The following ST8SIA1 variants were observed in gnomAD, a reference collection of about 807,000 sequenced individuals.
ST8SIA1 encodes alpha-N-acetylneuraminide alpha-2,8-sialyltransferase.
ST8SIA1 carries 16 observed loss-of-function variants against 35.9 expected under a neutral mutation model. The ratio of observed to expected loss-of-function variants is 0.45; its 90% CI spans 0.30 to 0.68. ST8SIA1 has a LOEUF of 0.68. ST8SIA1 is among the 30% of genes least tolerant of loss of function. The pLI is 0.09. For synonymous variants in ST8SIA1, 170 were observed against 169.6 expected, an observed-to-expected ratio of 1.00 and a Z score of -0.02; for missense variants, 383 against 453.6, an observed-to-expected ratio of 0.84 and a Z score of 1.41.
intron 4 of ST8SIA1, 42 bp downstream of exon 4, chr12:22,248,964 C>A: frequency 6.9e-7 from 1 of 1,458,328 alleles, no homozygotes; most frequent in Non-Finnish European, 9.6e-7. Context: ...CTTGAGAAGA[C>A]TTCATCTTCG....
In ST8SIA1 at chr12:22,334,151, G is replaced by T; in HGVS notation, c.82C>A (p.Leu28Met). 1.2e-6 allele frequency: 2 copies of T among 1,614,102 alleles called. No homozygotes were observed. Reference protein sequence around the residue: ...VLAWKFPRTRLPMGASALCVV... With the variant: ...VLAWKFPRTRMPMGASALCVV... ...CAGAGGGCACTGGCTCCCATGGGCA[G>T]CCGGGTCCGCGGGAACTTCCACGCC... Residue 28 changes from leucine (L) to methionine (M), a missense_variant, in exon 1 of 5, where the codon CTG becomes ATG. Physicochemically the swap from Leu to Met is conservative, Grantham distance 15. Coordinates refer to ENST00000396037, the MANE Select transcript of ST8SIA1 (RefSeq NM_003034.4).
chr12:22,267,449 T>A (rs978631307), intron 2 of ST8SIA1, among the ~76,000 whole-genome samples: 2 of 152,226 alleles, frequency 1.3e-5, no homozygotes, highest in African/African-American at 4.8e-5. Context: ...CTGCTGCTGA[T>A]GCTTTATTTC....
chr12:22,241,776 G>A (rs930957648), intron 4 of ST8SIA1, among the ~76,000 whole-genome samples: 1 of 151,866 alleles, frequency 6.6e-6, no homozygotes, highest in Non-Finnish European at 1.5e-5. Context: ...CTGCTTCTGT[G>A]AGCAACTTCA....
At chr12:22,269,599 G>A (rs1475030251) in intron 2 of ST8SIA1, among the ~76,000 whole-genome samples, 2 of 152,052 alleles carry the variant, frequency 1.3e-5, no homozygotes, top group Non-Finnish European at 2.9e-5. Flanking sequence ...AATATTTTAG[G>A]TTATTCCCAT....
intron 4 of ST8SIA1, 57 bp downstream of exon 4, chr12:22,248,949 A>C: frequency 7.7e-7 from 1 of 1,300,370 alleles, no homozygotes; most frequent in Non-Finnish European, 1.1e-6. Context: ...TTGAAATGCT[A>C]AGTACTTGAG....
chr12:22,325,996 G>C, intron 1 of ST8SIA1: 1 of 630,618 alleles, frequency 1.6e-6, no homozygotes, highest in Non-Finnish European at 2.8e-6. Context: ...ATCTCATCAC[G>C]CTACTCAAAA....
In ST8SIA1 at chr12:22,266,687, C is replaced by T. The variant is rs151305287; in HGVS notation, c.382-11298G>A. 3.1e-3 allele frequency among the ~76,000 whole-genome samples: 465 copies of T among 152,034 alleles called. 1 individual carries two copies. The highest frequency in any genetic ancestry group is 5.2e-3 in the Non-Finnish European group (351 of 67,982). On this transcript the variant is annotated intron_variant, in intron 2 of 4. Transcript: ENST00000396037. ...TGGCATGGACGTGTAGTCCCAGCTA[C>T]TCGGGAGGCTGAGGTGGGAGGATCT...
chr12:22,262,845 A>G (rs572000312), intron 2 of ST8SIA1, among the ~76,000 whole-genome samples: 3 of 152,346 alleles, frequency 2.0e-5, no homozygotes, highest in African/African-American at 7.2e-5. Context: ...TCAAAATCTA[A>G]GAATTAAAAA....
chr12:22,267,751 C>T (rs1311643012), intron 2 of ST8SIA1, among the ~76,000 whole-genome samples: 1 of 152,208 alleles, frequency 6.6e-6, no homozygotes, highest in East Asian at 1.9e-4. Flanking sequence ...TCTTGGTCTA[C>T]TTCAGCCCTC....
chr12:22,301,078 A>G (rs1280570915), intron 1 of ST8SIA1, among the ~76,000 whole-genome samples: 4 of 152,076 alleles, frequency 2.6e-5, no homozygotes, highest in African/African-American at 9.7e-5. Context: ...TGTGCCACAG[A>G]GGTAATAAAT....
At chr12:22,327,326 T>G (rs989182575) in intron 1 of ST8SIA1, among the ~76,000 whole-genome samples, 18 of 152,204 alleles carry the variant, frequency 1.2e-4, no homozygotes, top group African/African-American at 4.1e-4. Context: ...CCTATACCAC[T>G]TGCATATGTG....
At chr12:22,207,115 A>C (rs763418391) in intron 4 of ST8SIA1, among the ~76,000 whole-genome samples, 2 of 152,156 alleles carry the variant, frequency 1.3e-5, no homozygotes, top group Non-Finnish European at 2.9e-5. Context: ...AGTGTCCCAG[A>C]TAGGCCAATG....
rs1030648575 is a variant in ST8SIA1, at chr12:22,299,911, C to T, written c.237-12618G>A. ...ATGCTAACAATGTTTTCTTAAAGGTCTGAAGGAAATGATTTCTTCCAACAT... is the reference window on the plus strand; with the variant it reads ...ATGCTAACAATGTTTTCTTAAAGGTTTGAAGGAAATGATTTCTTCCAACAT... On this transcript the variant is annotated intron_variant, in intron 1 of 4. Coordinates refer to ENST00000396037, the MANE Select transcript of ST8SIA1 (RefSeq NM_003034.4). Among the ~76,000 whole-genome samples the T allele has an allele frequency of 3.9e-5, 6 of 152,158 alleles. No individual in the cohort carries two copies. The East Asian group carries it at 1.2e-3, about 29-fold the overall frequency.
In ST8SIA1 at chr12:22,219,110, A is replaced by G. The variant is rs536386534; in HGVS notation, c.585-17072T>C. 1.4e-3 allele frequency among the ~76,000 whole-genome samples: 208 copies of G among 152,260 alleles called. 1 individual carries two copies. The highest frequency in any genetic ancestry group is 4.5e-3 in the African/African-American group (188 of 41,578). ...TAAAACAACTGATAGAACTATTTGC[A>G]TTAGCATTGAAAGCTTTAATATATT... On this transcript the variant is annotated intron_variant, in intron 4 of 4. Transcript: ENST00000396037.
intron 4 of ST8SIA1, among the ~76,000 whole-genome samples, chr12:22,204,887 ACATT>A (rs1346434333): frequency 6.6e-6 from 1 of 152,174 alleles, no homozygotes; most frequent in Non-Finnish European, 1.5e-5. Flanking sequence ...GAATTTTATT[ACATT>A]ATTACAAAAT....
chr12:22,294,868 A>C, intron 1 of ST8SIA1, among the ~76,000 whole-genome samples: 1 of 152,234 alleles, frequency 6.6e-6, no homozygotes, highest in East Asian at 1.9e-4. Flanking sequence ...ACTTATTTTC[A>C]GTCTTCCTAC....
chr12:22,193,428 A>C lies in ST8SIA1; in HGVS notation c.*8124T>G, dbSNP rs894178610. On this transcript the variant is annotated 3_prime_UTR_variant, in exon 5 of 5. Coordinates refer to ENST00000396037, the MANE Select transcript of ST8SIA1 (RefSeq NM_003034.4). ...TTTTATTCACAGGGTACATTTACAA[A>C]TTTTCTCCAAGTAAAGGAGGTAGAG... 1 of 152,184 alleles carries C rather than the reference A, an allele frequency of 6.6e-6. No individual in the cohort carries two copies. Among genetic ancestry groups the C allele is most frequent in the Non-Finnish European group, 1.5e-5 (1 of 68,024 alleles). 9.4% of individuals were successfully genotyped at this position (152,184 alleles called of 1,614,324 possible).
intron 2 of ST8SIA1, among the ~76,000 whole-genome samples, chr12:22,259,083 A>G (rs1273564370): frequency 6.6e-6 from 1 of 151,934 alleles, no homozygotes; most frequent in South Asian, 2.1e-4. Context: ...TCCCTTTTTC[A>G]TTTCTTTCCT....
chr12:22,328,007 G>A (rs2135847185), intron 1 of ST8SIA1, among the ~76,000 whole-genome samples: 1 of 152,352 alleles, frequency 6.6e-6, no homozygotes, highest in East Asian at 1.9e-4. Flanking sequence ...CCCCCAGGAG[G>A]TATTTTGCCA....
Sources: gnomAD v4.1 joint callset for allele counts (sites outside exome capture counted in the v4.1 genomes callset) on GRCh38, gnomAD v4.1.1 for gene constraint, MANE v1.5 for transcripts, NCBI Gene and HGNC (gene_info 2026-07-23, HGNC 2026-07-21) for gene names.